HIPK3: variants seen among roughly 807,000 people sequenced by gnomAD.
HIPK3 encodes the protein homeodomain interacting protein kinase 3.
In HIPK3, 47 loss-of-function variants were observed where a neutral mutation model predicts 124.2. That is an observed-to-expected ratio of 0.38 (90% CI 0.30 to 0.48). The LOEUF (loss-of-function observed/expected upper bound fraction) is 0.48, where lower values mean the gene tolerates loss of function less well. Ranked by LOEUF, HIPK3 falls within the 20% of genes least tolerant of loss-of-function variation. HIPK3 has a pLI of 0.98. For synonymous variants in HIPK3, 482 were observed against 515.2 expected (o/e 0.94, Z 0.87); for missense variants, 1,286 against 1,454.3 (o/e 0.88, Z 1.88).
At chr11:33,267,994 T>A (rs1851016301) in intron 1 of HIPK3, among the ~76,000 whole-genome samples, 1 of 152,012 alleles carries the variant, frequency 6.6e-6, no homozygotes, top group South Asian at 2.1e-4. Flanking sequence ...GCAGACCACC[T>A]GAGCTCAGGA....
rs1229178320 is a variant in HIPK3 at position 33,338,776 on chromosome 11, C to T, written c.1361C>T (p.Ala454Val). Residue 454 changes from alanine to valine, a missense_variant, in exon 5 of 17, where the codon GCA becomes GTA. Physicochemically the swap from Ala to Val is moderately conservative, Grantham distance 64. This residue lies in a region of HIPK3 where 251 missense variants were observed against 349.1 expected (regional missense o/e 0.72). Transcript: ENST00000303296. ...AATAAGACATTGGAAGAGCATGAGG[C>T]AGAGACAGGAATGAAGTCTAAAGAA... Reference protein sequence around the residue: ...WRLKTLEEHEAETGMKSKEAR... With the variant: ...WRLKTLEEHEVETGMKSKEAR... 1 of 1,610,466 alleles carries T rather than the reference C, an allele frequency of 6.2e-7. No homozygotes were observed. Among genetic ancestry groups the T allele is most frequent in the Admixed American group, 1.7e-5 (1 of 59,970 alleles).
rs752573063 is a variant in HIPK3, at chr11:33,348,212, A to G, written c.2353A>G (p.Ile785Val). Residue 785 changes from isoleucine to valine, a missense_variant, in exon 12 of 17, where the codon ATA (isoleucine) becomes GTA (valine). This residue lies in a region of HIPK3 where 810 missense variants were observed against 864.9 expected (regional missense o/e 0.94). Transcript: ENST00000303296. ...LMEWEPGREE[I>V]NAFSWSNSLQ... The stretch of plus-strand genomic sequence containing the variant: ...GGAATGGGAGCCAGGAAGAGAGGAA[A>G]TAAATGCTTTCAGTTGGTAAGATTG... 1.9e-6 allele frequency: 3 copies of G among 1,613,730 alleles called. No homozygotes were observed. The highest frequency in any genetic ancestry group is 3.3e-5 in the Admixed American group (2 of 59,992).
At chr11:33,266,952 G>T (rs1164869138) in intron 1 of HIPK3, among the ~76,000 whole-genome samples, 2 of 151,990 alleles carry the variant, frequency 1.3e-5, no homozygotes, top group African/African-American at 4.8e-5. Flanking sequence ...TTGTTTTCTC[G>T]TGGTTTTTTC....
At chr11:33,256,810 A>G (rs1850677069), upstream of HIPK3, 3 of 545,130 alleles carry the variant, frequency 5.5e-6, no homozygotes, top group Non-Finnish European at 7.0e-6. Flanking sequence ...TAAAATTTCC[A>G]AGAGGACCCT....
At chr11:33,305,123 C>T (rs1305730871) in intron 2 of HIPK3, among the ~76,000 whole-genome samples, 1 of 152,192 alleles carries the variant, frequency 6.6e-6, no homozygotes, top group Non-Finnish European at 1.5e-5. Context: ...GCTTCAGCTT[C>T]CCAAGTAGCT....
rs1258985347 is a variant in HIPK3, at chr11:33,355,038, T to C, written c.*1470T>C. The C allele has an allele frequency of 6.6e-6, 1 of 152,102 alleles. No individual in the cohort carries two copies. Among genetic ancestry groups the C allele is most frequent in the African/African-American group, 2.4e-5 (1 of 41,456 alleles). The allele number at this position is 152,102 out of a possible 1,614,324, so 9.4% of individuals were successfully genotyped here. On this transcript the variant is annotated 3_prime_UTR_variant, in exon 17 of 17. Coordinates refer to ENST00000303296, the MANE Select transcript of HIPK3 (RefSeq NM_005734.5). ...ATTAAATTGAGGCTGTGTTTTAGCT[T>C]ACAGGCAAGTAATAAATTGTATCAT...
At chr11:33,275,902 T>A (rs1429032246) in intron 1 of HIPK3, among the ~76,000 whole-genome samples, 6 of 152,234 alleles carry the variant, frequency 3.9e-5, no homozygotes, top group Non-Finnish European at 1.5e-5. Context: ...GCCTGGCAAT[T>A]CTAGACTTTG....
At chr11:33,297,778 CTTT>C (rs1015881408) in intron 2 of HIPK3, among the ~76,000 whole-genome samples, 7 of 81,986 alleles carry the variant, frequency 8.5e-5, no homozygotes, top group African/African-American at 3.3e-4. Flanking sequence ...AAAGAACAGG[CTTT>C]TTTTTTTTTT....
chr11:33,305,669 ATT>A (rs745851903), intron 2 of HIPK3, among the ~76,000 whole-genome samples: 2 of 152,058 alleles, frequency 1.3e-5, no homozygotes, highest in African/African-American at 2.4e-5. Context: ...TTCTCCAAGG[ATT>A]TTCTCTCATC....
At chr11:33,301,820 T>TCACACACACACACACA (rs1565073677) in intron 2 of HIPK3, among the ~76,000 whole-genome samples, 4 of 24,880 alleles carry the variant, frequency 1.6e-4, no homozygotes, top group Non-Finnish European at 4.4e-4. Flanking sequence ...AAACCCTGTC[T>TCACACACACACACACA]GACACACACA....
intron 3 of HIPK3, among the ~76,000 whole-genome samples, chr11:33,336,352 G>GTATA (rs1044529590): frequency 2.6e-5 from 4 of 152,174 alleles, no homozygotes; most frequent in African/African-American, 9.7e-5. Flanking sequence ...ACACAGCTGT[G>GTATA]TATATATCAG....
At chr11:33,328,191 TTG>T (rs1244748183) in intron 2 of HIPK3, among the ~76,000 whole-genome samples, 1 of 152,222 alleles carries the variant, frequency 6.6e-6, no homozygotes, top group Non-Finnish European at 1.5e-5. Context: ...TCTCTTCCTA[TTG>T]TGTTATTTCT....
In HIPK3 at chr11:33,354,694, G is replaced by C. The variant is rs973118870; in HGVS notation, c.*1126G>C. The C allele has an allele frequency of 6.0e-5, 7 of 115,846 alleles. No homozygotes were observed. Among genetic ancestry groups the C allele is most frequent in the African/African-American group, 1.6e-4 (6 of 38,180 alleles). 7.2% of individuals were successfully genotyped at this position (115,846 alleles called of 1,614,324 possible). A position where few individuals can be genotyped will look rare whatever the true frequency, so the allele number is the denominator to read the frequency against. On this transcript the variant is annotated 3_prime_UTR_variant, in exon 17 of 17. Transcript: ENST00000303296. ...TGTGCAATTTTTGATTTATGCATGT[G>C]AGAGGGTTTTTTTTTTTTTTAAGTA...
At chr11:33,313,074 A>T (rs1590390487) in intron 2 of HIPK3, among the ~76,000 whole-genome samples, 2 of 152,324 alleles carry the variant, frequency 1.3e-5, no homozygotes, top group East Asian at 3.9e-4. Context: ...ATGTTTTCTA[A>T]TAAGCGCTTT....
chr11:33,299,064 C>T (rs1214293821), intron 2 of HIPK3, among the ~76,000 whole-genome samples: 18 of 151,278 alleles, frequency 1.2e-4, no homozygotes, highest in African/African-American at 3.9e-4. Context: ...CCAGGCTGGT[C>T]TTGAACCCCT....
At chr11:33,352,491 CAT>C (rs1853694229) in intron 16 of HIPK3, among the ~76,000 whole-genome samples, 1 of 152,170 alleles carries the variant, frequency 6.6e-6, no homozygotes, top group African/African-American at 2.4e-5. Flanking sequence ...GGTTCTCTTA[CAT>C]AATATTAACA....
At chr11:33,323,970 G>A (rs1465541962) in intron 2 of HIPK3, among the ~76,000 whole-genome samples, 1 of 152,166 alleles carries the variant, frequency 6.6e-6, no homozygotes, top group Non-Finnish European at 1.5e-5. Context: ...TACAAATGAT[G>A]TCTATTCTCT....
At position 33,348,563 on chromosome 11, in the gene HIPK3, T is replaced by G; in HGVS notation, c.2411T>G (p.Phe804Cys). The change falls in exon 13 of 17, where the codon TTT (phenylalanine) becomes TGT (cysteine). Residue 804 changes from phenylalanine (F) to cysteine (C), a missense_variant. Coordinates refer to ENST00000303296, the MANE Select transcript of HIPK3 (RefSeq NM_005734.5). The part of the protein sequence containing the change: ...LQNTNIPHSA[F>C]ISPKIINGKD... ...AATACCAATATCCCACATTCAGCAT[T>G]TATTTCTCCAAAGATAATTAATGGG... The G allele has an allele frequency of 6.2e-7, 1 of 1,613,572 alleles. No individual in the cohort carries two copies.
At chr11:33,350,779 T>A (rs573357230) in intron 14 of HIPK3, among the ~76,000 whole-genome samples, 1 of 152,312 alleles carries the variant, frequency 6.6e-6, no homozygotes, top group East Asian at 1.9e-4. Flanking sequence ...ACACATCTTT[T>A]TCCTTAGGAA....
Sources: allele counts gnomAD v4.1 joint callset (sites outside exome capture counted in the v4.1 genomes callset), GRCh38; gene constraint gnomAD v4.1.1; regional missense constraint gnomAD v4.1.1; transcripts MANE v1.5; gene names NCBI Gene and HGNC (gene_info 2026-07-23, HGNC 2026-07-21).